Variants in RCOR1 observed in about 807,000 individuals in gnomAD.
RCOR1 encodes the protein REST corepressor.
RCOR1 carries 12 observed loss-of-function variants against 64.0 expected under a neutral mutation model. The ratio of observed to expected loss-of-function variants is 0.19; its 90% CI spans 0.12 to 0.30. The LOEUF (loss-of-function observed/expected upper bound fraction) is 0.30. Ranked by LOEUF, RCOR1 falls within the 10% of genes least tolerant of loss-of-function variation. RCOR1 has a pLI of 1.00. For synonymous variants in RCOR1, 279 were observed against 227.2 expected, an observed-to-expected ratio of 1.23 and a Z score of -2.05; for missense variants, 502 against 621.2, an observed-to-expected ratio of 0.81 and a Z score of 2.04.
chr14:102,637,354 C>T (rs2139917228), intron 2 of RCOR1, among the ~76,000 whole-genome samples: 1 of 152,108 alleles, frequency 6.6e-6, no homozygotes, highest in African/African-American at 2.4e-5. Flanking sequence ...CTCGAACCTC[C>T]TGACCTCAGT....
At position 102,653,079 on chromosome 14, in the gene RCOR1, C is replaced by T. The variant is rs143224856; in HGVS notation, c.362-28816C>T. Among the ~76,000 whole-genome samples, 551 of 152,018 alleles carry T rather than the reference C, an allele frequency of 3.6e-3. 3 individuals are homozygous for T. The highest frequency in any genetic ancestry group is 0.012 in the African/African-American group (501 of 41,446). On this transcript the variant is annotated intron_variant, in intron 2 of 11. Transcript: ENST00000262241. Reference sequence around the variant, plus strand: ...TCCCGAGTAGCTGGAACTAGAGGCGCGCGCCAGCCAATTTTTGTATTTTTA... The same window carrying T: ...TCCCGAGTAGCTGGAACTAGAGGCGTGCGCCAGCCAATTTTTGTATTTTTA...
intron 2 of RCOR1, among the ~76,000 whole-genome samples, chr14:102,610,821 A>G (rs893341425): frequency 2.0e-5 from 3 of 152,056 alleles, no homozygotes; most frequent in Non-Finnish European, 4.4e-5. Flanking sequence ...CCCAAAGTGC[A>G]GGGATTACAG....
chr14:102,651,027 AACTC>A, intron 2 of RCOR1: 2 of 968,934 alleles, frequency 2.1e-6, no homozygotes, highest in Non-Finnish European at 1.2e-6. Flanking sequence ...TTAAAACACT[AACTC>A]CTAATTCACT....
At chr14:102,639,286 A>G (rs1423698442) in intron 2 of RCOR1, among the ~76,000 whole-genome samples, 1 of 136,364 alleles carries the variant, frequency 7.3e-6, no homozygotes, top group East Asian at 2.0e-4. Flanking sequence ...TTTTTTTGAG[A>G]CAAGATCTCT....
intron 2 of RCOR1, among the ~76,000 whole-genome samples, chr14:102,610,670 C>G (rs1394986448): frequency 6.6e-6 from 1 of 152,132 alleles, no homozygotes; most frequent in African/African-American, 2.4e-5. Flanking sequence ...TCACACCATT[C>G]TCCTGCCTTA....
At chr14:102,669,560 T>C (rs1044795383) in intron 2 of RCOR1, among the ~76,000 whole-genome samples, 1 of 152,214 alleles carries the variant, frequency 6.6e-6, no homozygotes, top group Non-Finnish European at 1.5e-5. Context: ...CCACCGACTC[T>C]GTCTTCTGCT....
intron 2 of RCOR1, among the ~76,000 whole-genome samples, chr14:102,653,916 T>TTTCC (rs1279706468): frequency 1.8e-4 from 26 of 144,348 alleles, no homozygotes; most frequent in Admixed American, 2.1e-4. Flanking sequence ...ATCTCAGGTA[T>TTTCC]TTCCTTCTTT....
chr14:102,674,605 A>G (rs1235849879), intron 2 of RCOR1, among the ~76,000 whole-genome samples: 1 of 152,186 alleles, frequency 6.6e-6, no homozygotes, highest in Non-Finnish European at 1.5e-5. Context: ...CCACTTTACT[A>G]TACATTGCCA....
rs1381762669 is a variant in RCOR1, at chr14:102,681,884, T to C, written c.362-11T>C. The C allele has an allele frequency of 1.4e-5, 22 of 1,607,556 alleles. No homozygotes were observed. The highest frequency in any genetic ancestry group is 1.9e-5 in the Non-Finnish European group (22 of 1,174,706). On this transcript the variant is annotated splice_polypyrimidine_tract_variant and intron_variant, in intron 2 of 11. Transcript: ENST00000262241. ...ATTTTAATAAGAATTTTCTTTTTTC[T>C]TTCTCCCAAGCCAAACTGGCAAGAC...
chr14:102,676,484 C>G, intron 2 of RCOR1, among the ~76,000 whole-genome samples: 1 of 87,042 alleles, frequency 1.1e-5, no homozygotes, highest in Non-Finnish European at 2.2e-5. Context: ...CCCCACCTCC[C>G]TCCCGGACAG....
chr14:102,597,929 TCTC>T (rs143511208), intron 2 of RCOR1, among the ~76,000 whole-genome samples: 19,047 of 151,688 alleles, frequency 0.13, 1,430 homozygotes, highest in African/African-American at 0.2. Context: ...TTCAAGCAAT[TCTC>T]CTGCCTCAGC....
chr14:102,709,585 G>A (rs1405532130), intron 6 of RCOR1, among the ~76,000 whole-genome samples: 2 of 152,108 alleles, frequency 1.3e-5, no homozygotes, highest in Admixed American at 1.3e-4. Flanking sequence ...AAACCTCTTG[G>A]CCCAAGTATA....
chr14:102,708,572 G>A lies in RCOR1; in HGVS notation c.768G>A (p.Glu256=). Reference sequence around the variant, plus strand: ...GCCATGCCCGGAAACAAAAACGGGAGCGGGAGGAGAGGTGAGCACATGGCT... The same window carrying A: ...GCCATGCCCGGAAACAAAAACGGGAACGGGAGGAGAGGTGAGCACATGGCT... The part of the protein sequence containing the change: ...MDRHARKQKR[E]REESEDELEE... The change falls in exon 6 of 12, where the codon GAG becomes GAA. Residue 256 remains glutamate (E), a synonymous_variant. Transcript: ENST00000262241. 1 of 1,601,170 alleles carries A rather than the reference G, an allele frequency of 6.2e-7. No individual in the cohort carries two copies. The highest frequency in any genetic ancestry group is 8.6e-7 in the Non-Finnish European group (1 of 1,168,426).
chr14:102,653,927 CTTTCTTT>C (rs1894648998), intron 2 of RCOR1, among the ~76,000 whole-genome samples: 1 of 21,726 alleles, frequency 4.6e-5, no homozygotes, highest in Non-Finnish European at 8.9e-5. Context: ...TTCCTTCTTT[CTTTCTTT>C]CTTTCTTTCT....
At chr14:102,593,361 G>A (rs756588097) in intron 2 of RCOR1, 36 bp downstream of exon 2, 9 of 1,498,788 alleles carry the variant, frequency 6.0e-6, no homozygotes, top group South Asian at 3.8e-5. Context: ...CGGCGGGGAT[G>A]AGCGGGAGCC....
intron 2 of RCOR1, among the ~76,000 whole-genome samples, chr14:102,622,025 T>C (rs1393950103): frequency 6.6e-6 from 1 of 152,162 alleles, no homozygotes; most frequent in African/African-American, 2.4e-5. Flanking sequence ...GGGTAAATTG[T>C]CCTACCCCTA....
chr14:102,694,537 A>G (rs1895605913), intron 3 of RCOR1, among the ~76,000 whole-genome samples: 1 of 152,190 alleles, frequency 6.6e-6, no homozygotes, highest in Non-Finnish European at 1.5e-5. Context: ...GTCCTCCCAA[A>G]GTGCTAGGAT....
At chr14:102,726,344 A>T (rs1229962795) in intron 11 of RCOR1, 124 bp from the exon 12 acceptor site, 143 of 763,836 alleles carry the variant, frequency 1.9e-4, no homozygotes, top group Non-Finnish European at 2.7e-4. Flanking sequence ...AAAAAAAAAA[A>T]GAACTCGGTG....
At position 102,596,549 on chromosome 14, in the gene RCOR1, C is replaced by A. The variant is rs753833545; in HGVS notation, c.361+3224C>A. On this transcript the variant is annotated intron_variant, in intron 2 of 11. Transcript: ENST00000262241. Reference sequence around the variant, plus strand: ...TCCTTACTAGTTTTTATTTCCTCCTCCTACTTGTTTTTTTCTTTTTTCTTT... The same window carrying A: ...TCCTTACTAGTTTTTATTTCCTCCTACTACTTGTTTTTTTCTTTTTTCTTT... Among the ~76,000 whole-genome samples the A allele has an allele frequency of 3.9e-5, 6 of 152,030 alleles. No homozygotes were observed. In the East Asian group the frequency reaches 5.8e-4, roughly 15 times the overall value.
Sources: allele counts gnomAD v4.1 joint callset (sites outside exome capture counted in the v4.1 genomes callset), GRCh38; gene constraint gnomAD v4.1.1; transcripts MANE v1.5; gene names NCBI Gene and HGNC (gene_info 2026-07-23, HGNC 2026-07-21).